ALKBH8: variants seen among roughly 807,000 people sequenced by gnomAD.
ALKBH8 encodes the protein tRNA (carboxymethyluridine(34)-5-O)-methyltransferase ALKBH8.
In ALKBH8, 36 loss-of-function variants were observed where a neutral mutation model predicts 59.8. The observed-to-expected ratio is 0.60, with a 90% CI of 0.46 to 0.79. The LOEUF (loss-of-function observed/expected upper bound fraction) is 0.79. Among genes scored for constraint, ALKBH8 ranks in the 30% least tolerant of loss-of-function variants. The pLI is 0.00. For missense variants in ALKBH8, 768 were observed against 801.0 expected (o/e 0.96, Z 0.50); for synonymous variants, 276 against 273.6 (o/e 1.01, Z -0.09).
At position 107,504,119 on chromosome 11, in the gene ALKBH8, T is replaced by C. The variant is rs1038532981; in HGVS notation, c.*539A>G. 1 of 172,730 alleles carries C rather than the reference T, an allele frequency of 5.8e-6. No homozygotes were observed. Among genetic ancestry groups the C allele is most frequent in the Admixed American group, 6.2e-5 (1 of 16,110 alleles). 10.7% of individuals were successfully genotyped at this position (172,730 alleles called of 1,614,324 possible). A position where few individuals can be genotyped will look rare whatever the true frequency, so the allele number is the denominator to read the frequency against. On this transcript the variant is annotated 3_prime_UTR_variant, in exon 12 of 12. Coordinates refer to ENST00000428149, the MANE Select transcript of ALKBH8 (RefSeq NM_138775.3). ...AATAGTTTTTGAATGAAACTCCTAC[T>C]AAGTTCTGGGTATTATCTGATTGAC...
At chr11:107,539,314 C>T (rs1287542830) in intron 7 of ALKBH8, among the ~76,000 whole-genome samples, 1 of 152,142 alleles carries the variant, frequency 6.6e-6, no homozygotes, top group Non-Finnish European at 1.5e-5. Flanking sequence ...AATCAAGGCC[C>T]ACTGGCTAGG....
chr11:107,534,757 C>CTTTT (rs35760148), intron 7 of ALKBH8, among the ~76,000 whole-genome samples: 4 of 147,966 alleles, frequency 2.7e-5, no homozygotes, highest in African/African-American at 9.9e-5. Context: ...CATTCCTCAT[C>CTTTT]TTTTTTTTTT....
chr11:107,550,565 CTGCTT>C (rs1864447887), intron 6 of ALKBH8, among the ~76,000 whole-genome samples: 1 of 152,206 alleles, frequency 6.6e-6, no homozygotes, highest in South Asian at 2.1e-4. Flanking sequence ...GGAACGGCCT[CTGCTT>C]CAGCTTCAGT....
At chr11:107,506,969 G>A (rs1372209936) in intron 11 of ALKBH8, among the ~76,000 whole-genome samples, 1 of 149,392 alleles carries the variant, frequency 6.7e-6, no homozygotes, top group African/African-American at 2.4e-5. Context: ...GGGGTTAAAT[G>A]TTATTAATGA....
intron 4 of ALKBH8, among the ~76,000 whole-genome samples, 173 bp downstream of exon 4, chr11:107,553,674 A>T (rs114024051): frequency 0.017 from 2,544 of 152,262 alleles, 82 homozygotes; most frequent in African/African-American, 0.059. Context: ...ATAGCTATAT[A>T]AATGTTATTT....
chr11:107,521,709 A>T (rs1863117368), intron 10 of ALKBH8, among the ~76,000 whole-genome samples: 1 of 152,232 alleles, frequency 6.6e-6, no homozygotes, highest in Admixed American at 6.5e-5. Flanking sequence ...TTCTGGAATC[A>T]GACAGAAATG....
intron 9 of ALKBH8, among the ~76,000 whole-genome samples, chr11:107,523,713 C>T (rs1036139129): frequency 2.7e-5 from 4 of 150,596 alleles, no homozygotes; most frequent in Non-Finnish European, 5.9e-5. Context: ...AGTGATTCTC[C>T]TGCCTCAGCC....
In ALKBH8 at chr11:107,504,221, A is replaced by G. The variant is rs576591392; in HGVS notation, c.*437T>C. 2.5e-6 allele frequency: 1 copy of G among 400,398 alleles called. No homozygotes were observed. The highest frequency in any genetic ancestry group is 4.5e-5 in the East Asian group (1 of 22,202). The allele number at this position is 400,398 out of a possible 1,614,324, so 24.8% of individuals were successfully genotyped here. ...GGAAATAGAATGGTTATTGTCTATG[A>G]TTTTACAGAGCTAAAAATCATAGGT... On this transcript the variant is annotated 3_prime_UTR_variant, in exon 12 of 12. Transcript: ENST00000428149.
chr11:107,536,410 A>T (rs1863817048), intron 7 of ALKBH8, among the ~76,000 whole-genome samples: 1 of 152,224 alleles, frequency 6.6e-6, no homozygotes, highest in Non-Finnish European at 1.5e-5. Context: ...ATGATGTAGA[A>T]GAATACGGAA....
At position 107,565,316 on chromosome 11, in the gene ALKBH8, C is replaced by T. The variant is rs1470243485; in HGVS notation, c.-7+285G>A. ...CCAGAAGCGCCACACTAACACGCCCCATGTTGCAACCGTCCTCTCCAACCC... is the reference window on the plus strand; with the variant it reads ...CCAGAAGCGCCACACTAACACGCCCTATGTTGCAACCGTCCTCTCCAACCC... On this transcript the variant is annotated intron_variant, in intron 1 of 11. Coordinates refer to ENST00000428149, the MANE Select transcript of ALKBH8 (RefSeq NM_138775.3). The T allele has an allele frequency of 7.4e-6, 4 of 537,708 alleles. No individual in the cohort carries two copies. The Admixed American group carries it at 1.3e-4, about 18-fold the overall frequency. 33.3% of individuals were successfully genotyped at this position (537,708 alleles called of 1,614,324 possible). A position where few individuals can be genotyped will look rare whatever the true frequency, so the allele number is the denominator to read the frequency against.
intron 1 of ALKBH8, 158 bp downstream of exon 1, chr11:107,565,443 T>C: frequency 1.0e-6 from 1 of 966,816 alleles, no homozygotes; most frequent in South Asian, 1.6e-5. Context: ...GCAGACACCC[T>C]ACTGCCCACA....
chr11:107,504,514 G>A lies in ALKBH8; in HGVS notation c.*144C>T. On this transcript the variant is annotated 3_prime_UTR_variant, in exon 12 of 12. Coordinates refer to ENST00000428149, the MANE Select transcript of ALKBH8 (RefSeq NM_138775.3). ...AGGAGACATTTGAATGTCTCCTAAT[G>A]AATCCCTACTTCCAAATTTTTCTCA... The A allele has an allele frequency of 1.0e-6, 1 of 979,042 alleles. No individual in the cohort carries two copies. Among genetic ancestry groups the A allele is most frequent in the African/African-American group, 1.6e-5 (1 of 62,028 alleles). 60.6% of individuals were successfully genotyped at this position (979,042 alleles called of 1,614,324 possible).
At chr11:107,565,537 G>A in intron 1 of ALKBH8, 64 bp downstream of exon 1, 2 of 1,534,528 alleles carry the variant, frequency 1.3e-6, no homozygotes, top group Non-Finnish European at 1.7e-6. Flanking sequence ...AAGACCGGAA[G>A]AGGCTGAAAA....
chr11:107,536,809 C>T (rs1863834568), intron 7 of ALKBH8, among the ~76,000 whole-genome samples: 1 of 152,088 alleles, frequency 6.6e-6, no homozygotes, highest in Non-Finnish European at 1.5e-5. Context: ...GGCAGAGGTG[C>T]CTGAAGAGGA....
At chr11:107,507,693 T>C (rs1261341117) in intron 11 of ALKBH8, among the ~76,000 whole-genome samples, 1 of 152,068 alleles carries the variant, frequency 6.6e-6, no homozygotes, top group Non-Finnish European at 1.5e-5. Flanking sequence ...AAAAAGAATG[T>C]CAAATAGTCG....
chr11:107,518,052 T>A (rs1054536711), intron 10 of ALKBH8, among the ~76,000 whole-genome samples: 2 of 151,516 alleles, frequency 1.3e-5, no homozygotes, highest in African/African-American at 2.4e-5. Flanking sequence ...TGTAAAGACA[T>A]TTTTAATAAC....
chr11:107,557,744 A>G (rs929541596), intron 2 of ALKBH8, among the ~76,000 whole-genome samples: 25 of 152,196 alleles, frequency 1.6e-4, no homozygotes, highest in African/African-American at 6.0e-4. Context: ...TGCTGTTTGC[A>G]TAGTCCTGCA....
chr11:107,561,550 T>C (rs548252993), intron 1 of ALKBH8, among the ~76,000 whole-genome samples: 1 of 152,332 alleles, frequency 6.6e-6, no homozygotes, highest in South Asian at 2.1e-4. Flanking sequence ...AAAAACTGTA[T>C]GTGTCATATA....
chr11:107,547,228 G>T (rs963062416), intron 7 of ALKBH8, among the ~76,000 whole-genome samples: 7 of 152,158 alleles, frequency 4.6e-5, no homozygotes, highest in Non-Finnish European at 1.0e-4. Flanking sequence ...AAAGAAATAG[G>T]GCCAAAGGTA....
Sources: allele counts gnomAD v4.1 joint callset (sites outside exome capture counted in the v4.1 genomes callset), GRCh38; gene constraint gnomAD v4.1.1; transcripts MANE v1.5; gene names NCBI Gene and HGNC (gene_info 2026-07-23, HGNC 2026-07-21).